The following CNTN4 variants were observed in gnomAD, a reference collection of about 807,000 sequenced individuals.
CNTN4 encodes the protein contactin 4, also known as contactin-4.
CNTN4 carries 77 observed loss-of-function variants against 122.5 expected under a neutral mutation model. That is an observed-to-expected ratio of 0.63 (90% confidence interval 0.52 to 0.76). The LOEUF (loss-of-function observed/expected upper bound fraction) is 0.76. Ranked by LOEUF, CNTN4 falls within the 30% of genes least tolerant of loss-of-function variation. The pLI, the probability that CNTN4 is intolerant of heterozygous loss-of-function variation, is 0.00. For missense variants in CNTN4, 1,256 were observed against 1,259.1 expected (o/e 1.00, Z 0.04); for synonymous variants, 512 against 447.0 (o/e 1.15, Z -1.83).
chr3:2,491,433 T>C (rs17015059), intron 3 of CNTN4, among the ~76,000 whole-genome samples: 25,412 of 152,120 alleles, frequency 0.17, 2,564 homozygotes, highest in African/African-American at 0.28. Flanking sequence ...TATGATAAAA[T>C]GTCAACTGCT....
chr3:2,631,606 C>A (rs540856245), intron 4 of CNTN4, among the ~76,000 whole-genome samples: 1 of 151,298 alleles, frequency 6.6e-6, no homozygotes, highest in South Asian at 2.1e-4. Context: ...ATATTAAGGG[C>A]TTCATATGTA....
At chr3:2,717,503 T>G (rs2320828) in intron 4 of CNTN4, among the ~76,000 whole-genome samples, 76,851 of 152,050 alleles carry the variant, frequency 0.51, 22,719 homozygotes, top group Non-Finnish European at 0.67. Context: ...TTTCCTCCAG[T>G]CTTCACTCCA....
At chr3:2,733,541 T>TTTG (rs1553623986) in intron 4 of CNTN4, among the ~76,000 whole-genome samples, 30 of 145,816 alleles carry the variant, frequency 2.1e-4, no homozygotes, top group South Asian at 1.3e-3. Flanking sequence ...TGTTTTTTTT[T>TTTG]TTTTTTTTTT....
intron 2 of CNTN4, among the ~76,000 whole-genome samples, chr3:2,180,104 G>A (rs1384027319): frequency 6.6e-6 from 1 of 151,772 alleles, no homozygotes; most frequent in Non-Finnish European, 1.5e-5. Context: ...GGTAGATAAA[G>A]GAGAGTCCTA....
At chr3:2,411,805 G>T in intron 3 of CNTN4, among the ~76,000 whole-genome samples, 1 of 152,034 alleles carries the variant, frequency 6.6e-6, no homozygotes, top group African/African-American at 2.4e-5. Flanking sequence ...GCTGTATTTC[G>T]AAGCATCGTT....
chr3:2,493,080 T>C (rs534679735), intron 3 of CNTN4, among the ~76,000 whole-genome samples: 11 of 152,322 alleles, frequency 7.2e-5, no homozygotes, highest in African/African-American at 2.6e-4. Context: ...AGTTCTTAAA[T>C]TGTAGGCGTA....
chr3:2,699,734 T>G (rs1211371273), intron 4 of CNTN4, among the ~76,000 whole-genome samples: 1 of 152,194 alleles, frequency 6.6e-6, no homozygotes, highest in Non-Finnish European at 1.5e-5. Flanking sequence ...GTTTCACCAG[T>G]GTAGCCTCTT....
At chr3:2,649,886 T>C (rs566836801) in intron 4 of CNTN4, among the ~76,000 whole-genome samples, 5 of 151,892 alleles carry the variant, frequency 3.3e-5, no homozygotes, top group African/African-American at 9.7e-5. Flanking sequence ...ACTAGCACTT[T>C]GAGAGGCTGA....
At chr3:2,291,172 T>C (rs4685505) in intron 2 of CNTN4, among the ~76,000 whole-genome samples, 9,466 of 152,122 alleles carry the variant, frequency 0.062, 318 homozygotes, top group Middle Eastern at 0.1. Context: ...TTTATGTAAA[T>C]TTTTTTACCC....
chr3:2,617,790 A>G (rs1318103260), intron 4 of CNTN4, among the ~76,000 whole-genome samples: 4 of 152,124 alleles, frequency 2.6e-5, no homozygotes, highest in African/African-American at 9.7e-5. Flanking sequence ...GGATTCTTTC[A>G]TAATGATAAT....
chr3:2,521,199 A>G (rs2077199326), intron 3 of CNTN4, among the ~76,000 whole-genome samples: 1 of 152,062 alleles, frequency 6.6e-6, no homozygotes, highest in South Asian at 2.1e-4. Context: ...TTGTGAACTC[A>G]AAATTATGTG....
At chr3:3,039,877 G>A (rs1699984912) in intron 19 of CNTN4, 160 bp from the exon 20 acceptor site, 1 of 677,362 alleles carries the variant, frequency 1.5e-6, no homozygotes, top group Admixed American at 2.1e-5. Context: ...GTTTAAGATA[G>A]ACTGACTGCA....
At chr3:2,224,682 T>A (rs1257836191) in intron 2 of CNTN4, among the ~76,000 whole-genome samples, 2 of 152,132 alleles carry the variant, frequency 1.3e-5, no homozygotes, top group South Asian at 4.1e-4. Flanking sequence ...ATAGAAGACT[T>A]TAGCACAATG....
rs562772470 is a variant in CNTN4, at chr3:2,599,082, A to C, written c.55+27524A>C. 1.5e-4 allele frequency among the ~76,000 whole-genome samples: 23 copies of C among 152,330 alleles called. 1 individual carries two copies. In the South Asian group the frequency reaches 3.9e-3, roughly 26 times the overall value. ...TTGGTGTATACCTTATAGATCATTA[A>C]AAATAGCAACACTGTAGGTAAGACT... On this transcript the variant is annotated intron_variant, in intron 4 of 24. Coordinates refer to ENST00000418658, the MANE Select transcript of CNTN4 (RefSeq NM_175607.3).
At chr3:2,866,455 G>T in intron 7 of CNTN4, 3 of 1,242,928 alleles carry the variant, frequency 2.4e-6, no homozygotes, top group South Asian at 3.3e-5. Context: ...CATAGTGCCT[G>T]ACACCTGATT....
intron 2 of CNTN4, among the ~76,000 whole-genome samples, chr3:2,193,314 T>A (rs1163460801): frequency 6.6e-6 from 1 of 151,682 alleles, no homozygotes; most frequent in Non-Finnish European, 1.5e-5. Context: ...ATTACTCTTC[T>A]ATTAAAAAAA....
intron 4 of CNTN4, among the ~76,000 whole-genome samples, chr3:2,628,255 T>A (rs1240465665): frequency 6.6e-6 from 1 of 152,168 alleles, no homozygotes; most frequent in Non-Finnish European, 1.5e-5. Context: ...AAGTAACAGA[T>A]GAGAGGGAAT....
At chr3:2,650,495 GAAA>G (rs976312873) in intron 4 of CNTN4, among the ~76,000 whole-genome samples, 58 of 152,298 alleles carry the variant, frequency 3.8e-4, no homozygotes, top group African/African-American at 1.4e-3. Flanking sequence ...GCTTCAGTTT[GAAA>G]AGAATTCCTA....
chr3:2,636,409 T>C lies in CNTN4; in HGVS notation c.55+64851T>C, dbSNP rs188061474. On this transcript the variant is annotated intron_variant, in intron 4 of 24. Transcript: ENST00000418658. Reference sequence around the variant, plus strand: ...TTTATTGCCTATAGGGGCTGTGTAATCATTTTATAGAAGTCAGACACCTAC... The same window carrying C: ...TTTATTGCCTATAGGGGCTGTGTAACCATTTTATAGAAGTCAGACACCTAC... Among the ~76,000 whole-genome samples, 763 of 152,322 alleles carry C rather than the reference T, an allele frequency of 5.0e-3. 5 individuals carry two copies. The highest frequency in any genetic ancestry group is 8.5e-3 in the Non-Finnish European group (580 of 68,024).
Sources: gnomAD v4.1 joint callset for allele counts (sites outside exome capture counted in the v4.1 genomes callset) on GRCh38, gnomAD v4.1.1 for gene constraint, MANE v1.5 for transcripts, NCBI Gene and HGNC (gene_info 2026-07-23, HGNC 2026-07-21) for gene names.